Variants in MTNR1A observed in about 807,000 individuals in gnomAD.
MTNR1A encodes the protein melatonin receptor 1A.
MTNR1A carries 7 observed loss-of-function variants against 5.5 expected under a neutral mutation model. The observed-to-expected ratio is 1.28, with a 90% confidence interval of 0.73 to 2.40. The LOEUF is 2.40. Ranked by LOEUF, MTNR1A falls within the 30% of genes most tolerant of loss-of-function variation. The pLI, the probability that MTNR1A is intolerant of heterozygous loss-of-function variation, is 0.00. For missense variants in MTNR1A, 441 were observed against 464.4 expected (o/e 0.95, Z 0.46); for synonymous variants, 196 against 202.7 (o/e 0.97, Z 0.28).
chr4:186,547,694 A>G (rs1737185402), intron 1 of MTNR1A, among the ~76,000 whole-genome samples: 1 of 152,034 alleles, frequency 6.6e-6, no homozygotes, highest in Non-Finnish European at 1.5e-5. Context: ...AAACTAGTAG[A>G]CCTTGGCACT....
intron 1 of MTNR1A, among the ~76,000 whole-genome samples, chr4:186,544,557 A>T (rs1737097636): frequency 6.6e-6 from 1 of 152,192 alleles, no homozygotes; most frequent in Admixed American, 6.5e-5. Context: ...CTATCAACCT[A>T]TCTGACACTG....
chr4:186,539,058 A>T (rs1736945881), intron 1 of MTNR1A, among the ~76,000 whole-genome samples: 1 of 151,920 alleles, frequency 6.6e-6, no homozygotes, highest in African/African-American at 2.4e-5. Context: ...CTCTACTAAA[A>T]ATACAAAAAT....
chr4:186,540,784 G>T (rs1303942261), intron 1 of MTNR1A, among the ~76,000 whole-genome samples: 1 of 116,160 alleles, frequency 8.6e-6, no homozygotes, highest in Non-Finnish European at 1.9e-5. Flanking sequence ...TCTGACTGAA[G>T]GAAGGACCAG....
chr4:186,547,264 A>G (rs111403400), intron 1 of MTNR1A, among the ~76,000 whole-genome samples: 12 of 28,718 alleles, frequency 4.2e-4, no homozygotes, highest in South Asian at 2.1e-3. Flanking sequence ...CACCCTGTTC[A>G]TGGGACACAC....
chr4:186,538,789 G>A (rs1736937748), intron 1 of MTNR1A, among the ~76,000 whole-genome samples: 1 of 152,154 alleles, frequency 6.6e-6, no homozygotes, highest in South Asian at 2.1e-4. Context: ...GAACCTTCAG[G>A]ATGGTTTCTC....
chr4:186,540,616 G>A (rs562364460), intron 1 of MTNR1A, among the ~76,000 whole-genome samples: 1 of 152,360 alleles, frequency 6.6e-6, no homozygotes, highest in South Asian at 2.1e-4. Flanking sequence ...CTGTCTGAAG[G>A]ACCAGGTGCT....
intron 1 of MTNR1A, among the ~76,000 whole-genome samples, chr4:186,553,652 C>T (rs1240069083): frequency 6.6e-6 from 1 of 152,204 alleles, no homozygotes; most frequent in Non-Finnish European, 1.5e-5. Context: ...GTTGGGATTA[C>T]AGCTGTGGGC....
At chr4:186,540,152 G>A (rs184546226) in intron 1 of MTNR1A, among the ~76,000 whole-genome samples, 112 of 152,210 alleles carry the variant, frequency 7.4e-4, no homozygotes, top group African/African-American at 2.6e-3. Flanking sequence ...TCACTATCTC[G>A]AGAACAGCAT....
chr4:186,551,744 C>T (rs1737270560), intron 1 of MTNR1A, among the ~76,000 whole-genome samples: 1 of 151,956 alleles, frequency 6.6e-6, no homozygotes, highest in Admixed American at 6.6e-5. Flanking sequence ...ATCTCTGAGG[C>T]CCAAAGTCCA....
intron 1 of MTNR1A, among the ~76,000 whole-genome samples, chr4:186,552,568 AC>A (rs1243149392): frequency 1.3e-5 from 2 of 152,218 alleles, no homozygotes; most frequent in Non-Finnish European, 2.9e-5. Flanking sequence ...TGTTAGGTGT[AC>A]CCAGAAAACA....
chr4:186,549,481 A>C (rs1187994148), intron 1 of MTNR1A, among the ~76,000 whole-genome samples: 1 of 152,140 alleles, frequency 6.6e-6, no homozygotes, highest in African/African-American at 2.4e-5. Flanking sequence ...GCTATTTCAC[A>C]TGTGAACTAG....
At chr4:186,545,104 G>A (rs1236886806) in intron 1 of MTNR1A, among the ~76,000 whole-genome samples, 1 of 152,228 alleles carries the variant, frequency 6.6e-6, no homozygotes. Context: ...CCCCCTGAGA[G>A]TGCTCCCTCA....
chr4:186,538,354 T>C (rs1304391015), intron 1 of MTNR1A, among the ~76,000 whole-genome samples: 1 of 152,216 alleles, frequency 6.6e-6, no homozygotes, highest in African/African-American at 2.4e-5. Flanking sequence ...CAAGAGGCAA[T>C]TGCGTGAGAT....
At chr4:186,548,692 C>G (rs1737204769) in intron 1 of MTNR1A, among the ~76,000 whole-genome samples, 1 of 151,158 alleles carries the variant, frequency 6.6e-6, no homozygotes, top group African/African-American at 2.4e-5. Context: ...TGGCAAAGCC[C>G]GGGTTTTACT....
intron 1 of MTNR1A, among the ~76,000 whole-genome samples, chr4:186,553,083 C>T (rs1737294859): frequency 6.6e-6 from 1 of 152,234 alleles, no homozygotes; most frequent in South Asian, 2.1e-4. Context: ...AGTGATGGTT[C>T]AAAGCCTAGA....
At chr4:186,554,185 C>G (rs998125991) in intron 1 of MTNR1A, among the ~76,000 whole-genome samples, 1 of 143,002 alleles carries the variant, frequency 7.0e-6, no homozygotes, top group Admixed American at 7.0e-5. Context: ...TTACTAAGTG[C>G]TTAACTAACT....
intron 1 of MTNR1A, among the ~76,000 whole-genome samples, chr4:186,541,476 GCTGATCTAGCTGACCATTAGCCA>G (rs1450303392): frequency 1.3e-5 from 2 of 151,652 alleles, no homozygotes; most frequent in Admixed American, 6.6e-5. Flanking sequence ...GTTGGAGACG[GCTGATCTAGCTGACCATTAGCCA>G]CTGATCTAGC....
At chr4:186,553,394 C>T (rs1737301010) in intron 1 of MTNR1A, among the ~76,000 whole-genome samples, 1 of 152,214 alleles carries the variant, frequency 6.6e-6, no homozygotes, top group South Asian at 2.1e-4. Context: ...ACAGGAATAT[C>T]CTCTTAAGAG....
At chr4:186,538,990 C>T (rs746898659) in intron 1 of MTNR1A, among the ~76,000 whole-genome samples, 9 of 152,132 alleles carry the variant, frequency 5.9e-5, no homozygotes, top group East Asian at 3.9e-4. Flanking sequence ...GAGGCCGAGG[C>T]GGGGGATCAC....
Sources: gnomAD v4.1 joint callset for allele counts (sites outside exome capture counted in the v4.1 genomes callset) on GRCh38, gnomAD v4.1.1 for gene constraint, MANE v1.5 for transcripts, NCBI Gene and HGNC (gene_info 2026-07-23, HGNC 2026-07-21) for gene names.